The following STARD9 variants were observed in gnomAD, a reference collection of about 807,000 sequenced individuals.
STARD9 encodes the protein stAR-related lipid transfer protein 9.
STARD9 carries 346 observed loss-of-function variants against 399.8 expected under a neutral mutation model. The ratio of observed to expected loss-of-function variants is 0.87; its 90% CI spans 0.79 to 0.95. STARD9 has a LOEUF of 0.95. Ranked by LOEUF, STARD9 falls within the 40% of genes least tolerant of loss-of-function variation. The pLI, the probability that STARD9 is intolerant of heterozygous loss-of-function variation, is 0.00. For synonymous variants in STARD9, 2,203 were observed against 2,143.5 expected (o/e 1.03, Z -0.77); for missense variants, 5,832 against 5,667.5 (o/e 1.03, Z -0.93).
At chr15:42,596,975 TTTC>T (rs1359293816) in intron 3 of STARD9, among the ~76,000 whole-genome samples, 1 of 152,236 alleles carries the variant, frequency 6.6e-6, no homozygotes, top group African/African-American at 2.4e-5. Context: ...ATAGCATCTA[TTTC>T]TTATTTTTCA....
chr15:42,584,716 G>C (rs1194967728), intron 2 of STARD9, among the ~76,000 whole-genome samples: 2 of 152,294 alleles, frequency 1.3e-5, no homozygotes, highest in Non-Finnish European at 2.9e-5. Context: ...CATTGCTTCT[G>C]ACTCTTCTGT....
At chr15:42,591,525 T>C (rs1429648646) in intron 3 of STARD9, among the ~76,000 whole-genome samples, 3 of 151,890 alleles carry the variant, frequency 2.0e-5, no homozygotes, top group Non-Finnish European at 4.4e-5. Context: ...TAGCCACTAA[T>C]CTAGGCCAAC....
Position 42,604,562 on chromosome 15 carries a change from G to A in STARD9, c.234+18925G>A, listed in dbSNP as rs2058692422. Among the ~76,000 whole-genome samples the A allele has an allele frequency of 2.7e-5, 4 of 147,576 alleles. No individual in the cohort carries two copies. The South Asian group carries it at 8.9e-4, about 33-fold the overall frequency. ...TTGAAAAAACGTGAAGAGGGAGGAA[G>A]ATTGTTTTTGTCAGGGGAGGAAATC... On this transcript the variant is annotated intron_variant, in intron 3 of 32. Transcript: ENST00000290607.
Position 42,694,348 on chromosome 15 carries a change from G to T in STARD9, c.12764+6G>T. On this transcript the variant is annotated splice_donor_region_variant and intron_variant, in intron 23 of 32. Coordinates refer to ENST00000290607, the MANE Select transcript of STARD9 (RefSeq NM_020759.3). ...TGGAAGGAGCTCTATGCACGGTAAGGACCCCCAGCCTGGAGTCGGGAGGGG... is the reference window on the plus strand; with the variant it reads ...TGGAAGGAGCTCTATGCACGGTAAGTACCCCCAGCCTGGAGTCGGGAGGGG... The T allele has an allele frequency of 6.5e-7, 1 of 1,532,338 alleles. No individual in the cohort carries two copies. Among genetic ancestry groups the T allele is most frequent in the South Asian group, 1.2e-5 (1 of 83,378 alleles). The allele number at this position is 1,532,338 out of a possible 1,614,324, so 94.9% of individuals were successfully genotyped here.
chr15:42,631,398 A>G (rs924475034), intron 3 of STARD9, among the ~76,000 whole-genome samples: 2 of 152,174 alleles, frequency 1.3e-5, no homozygotes, highest in African/African-American at 4.8e-5. Context: ...CCTGGGAAAC[A>G]TGGTGAAACC....
Position 42,689,613 on chromosome 15 carries a change from A to C in STARD9, c.8035A>C (p.Thr2679Pro). The C allele has an allele frequency of 6.5e-7, 1 of 1,537,506 alleles. No homozygotes were observed. The highest frequency in any genetic ancestry group is 1.4e-5 in the African/African-American group (1 of 73,180). ...AAPAQDRKRR[T>P]GELRQFAGAS... is the part of the protein sequence containing the mutation. The stretch of plus-strand genomic sequence containing the variant: ...TCCTGCTCAAGACAGGAAACGTCGT[A>C]CTGGAGAACTGAGGCAGTTCGCGGG... Residue 2679 changes from threonine to proline, a missense_variant, in exon 23 of 33, where the codon ACT becomes CCT. Thr to Pro is a conservative substitution (Grantham distance 38). This residue lies in a region of STARD9 where 5,828 missense variants were observed against 5,651.1 expected (regional missense o/e 1.03). Coordinates refer to ENST00000290607, the MANE Select transcript of STARD9 (RefSeq NM_020759.3).
intron 26 of STARD9, 109 bp downstream of exon 26, chr15:42,695,989 A>G: frequency 8.3e-7 from 1 of 1,209,748 alleles, no homozygotes; most frequent in South Asian, 1.6e-5. Context: ...TGCCTCCTGG[A>G]GGCCACTGCT....
rs2140425565 is a variant in STARD9 at position 42,717,782 on chromosome 15, A to C, written c.13546A>C (p.Thr4516Pro). 1 of 1,537,212 alleles carries C rather than the reference A, an allele frequency of 6.5e-7. No homozygotes were observed. The highest frequency in any genetic ancestry group is 1.2e-5 in the South Asian group (1 of 84,060). ...GCACAACCTCTTCAGCTGCCAGGCA[A>C]CTGCTGGCTGGAAGTAAGTTTGTTT... ...NLHNLFSCQA[T>P]AGWNYQGEEQ... The change falls in exon 29 of 33, where the codon ACT becomes CCT. Residue 4516 changes from threonine (T) to proline (P), a missense_variant. By Grantham distance (38) the Thr-to-Pro change is conservative. Coordinates refer to ENST00000290607, the MANE Select transcript of STARD9 (RefSeq NM_020759.3).
At chr15:42,603,319 C>T (rs2058666756) in intron 3 of STARD9, among the ~76,000 whole-genome samples, 1 of 151,950 alleles carries the variant, frequency 6.6e-6, no homozygotes, top group Admixed American at 6.6e-5. Flanking sequence ...ATTGGGTTTC[C>T]CCATGCAAGC....
At chr15:42,593,597 C>T (rs201371055) in intron 3 of STARD9, among the ~76,000 whole-genome samples, 5 of 143,978 alleles carry the variant, frequency 3.5e-5, no homozygotes, top group Non-Finnish European at 7.6e-5. Context: ...TGTCTGAATT[C>T]AAAACAACCA....
rs1383607231 is a variant in STARD9 at position 42,718,859 on chromosome 15, G to C, written c.13950G>C (p.Gln4650His). The C allele has an allele frequency of 4.6e-6, 7 of 1,537,228 alleles. No homozygotes were observed. The highest frequency in any genetic ancestry group is 1.2e-5 in the South Asian group (1 of 84,064). Reference protein sequence around the residue: ...GEILPSAWILQPITVEGKEVT... With the variant: ...GEILPSAWILHPITVEGKEVT... Reference sequence around the variant, plus strand: ...TCCTGCCCAGTGCCTGGATCTTGCAGCCCATCACTGTGGAAGGGAAGGAAG... The same window carrying C: ...TCCTGCCCAGTGCCTGGATCTTGCACCCCATCACTGTGGAAGGGAAGGAAG... Residue 4650 changes from glutamine (Q) to histidine (H), a missense_variant, in exon 32 of 33, where the codon CAG becomes CAC. Transcript: ENST00000290607.
chr15:42,599,908 G>A lies in STARD9; in HGVS notation c.234+14271G>A, dbSNP rs551615659. Among the ~76,000 whole-genome samples, 90 of 152,290 alleles carry A rather than the reference G, an allele frequency of 5.9e-4. 1 individual carries two copies. The South Asian group carries it at 0.018, about 30-fold the overall frequency. ...TAACAAGCATTTAAGTGTTATAATCGTACTTAGAGTAAGTACTTAAGGAAT... is the reference window on the plus strand; with the variant it reads ...TAACAAGCATTTAAGTGTTATAATCATACTTAGAGTAAGTACTTAAGGAAT... On this transcript the variant is annotated intron_variant, in intron 3 of 32. Transcript: ENST00000290607.
intron 26 of STARD9, among the ~76,000 whole-genome samples, chr15:42,703,036 C>T (rs562553358): frequency 1.3e-5 from 2 of 152,148 alleles, no homozygotes; most frequent in Non-Finnish European, 1.5e-5. Flanking sequence ...CTCAAGCAAT[C>T]CTCCTACCAT....
At chr15:42,663,220 G>A (rs941098410) in intron 11 of STARD9, 61 bp from the exon 12 acceptor site, 18 of 1,411,624 alleles carry the variant, frequency 1.3e-5, no homozygotes, top group Admixed American at 2.2e-5. Context: ...CCATTGTTTT[G>A]TTTTAATATA....
At position 42,665,435 on chromosome 15, in the gene STARD9, T is replaced by C. The variant is rs1466944421; in HGVS notation, c.1254+105T>C. 3.3e-6 allele frequency: 3 copies of C among 896,708 alleles called. No individual in the cohort carries two copies. In the East Asian group the frequency reaches 7.9e-5, roughly 24 times the overall value. The allele number at this position is 896,708 out of a possible 1,614,324, so 55.5% of individuals were successfully genotyped here. A position where few individuals can be genotyped will look rare whatever the true frequency, so the allele number is the denominator to read the frequency against. On this transcript the variant is annotated intron_variant, in intron 14 of 32. Transcript: ENST00000290607. ...CCCTGCTGCATTCTATGTTCTCAAT[T>C]GACTCTCTTACGGCAGAGACAGGAG...
chr15:42,578,101 G>A (rs1310613674), intron 1 of STARD9, among the ~76,000 whole-genome samples: 2 of 118,878 alleles, frequency 1.7e-5, no homozygotes, highest in African/African-American at 6.5e-5. Context: ...TAGAGTTGAC[G>A]CTCAATTTTT....
chr15:42,683,179 A>C (rs2060471843), intron 22 of STARD9, among the ~76,000 whole-genome samples: 1 of 152,202 alleles, frequency 6.6e-6, no homozygotes, highest in African/African-American at 2.4e-5. Flanking sequence ...AGGACCTAGC[A>C]CAGGTTCTTG....
rs547987697 is a variant in STARD9, at chr15:42,647,956, A to G, written c.560-3060A>G. ...ATTGATTTATCAAAGTCTAATATTTACTGGTTGTTCTGCTTCTTCCCAGAC... is the reference window on the plus strand; with the variant it reads ...ATTGATTTATCAAAGTCTAATATTTGCTGGTTGTTCTGCTTCTTCCCAGAC... On this transcript the variant is annotated intron_variant, in intron 7 of 32. Transcript: ENST00000290607. Among the ~76,000 whole-genome samples the G allele has an allele frequency of 5.9e-5, 9 of 152,320 alleles. No homozygotes were observed. The South Asian group carries it at 1.9e-3, about 32-fold the overall frequency.
At chr15:42,598,321 G>A (rs944407649) in intron 3 of STARD9, among the ~76,000 whole-genome samples, 2 of 151,864 alleles carry the variant, frequency 1.3e-5, no homozygotes, top group African/African-American at 4.8e-5. Context: ...GTGAGCCACC[G>A]TGCCCGGCCC....
Sources: allele counts gnomAD v4.1 joint callset (sites outside exome capture counted in the v4.1 genomes callset), GRCh38; gene constraint gnomAD v4.1.1; regional missense constraint gnomAD v4.1.1; transcripts MANE v1.5; gene names NCBI Gene and HGNC (gene_info 2026-07-23, HGNC 2026-07-21).